GPR149: variants seen among roughly 807,000 people sequenced by gnomAD.
The protein encoded by GPR149 is G protein-coupled receptor 149, also known as probable G protein-coupled receptor 149.
A neutral mutation model predicts 50.2 loss-of-function variants in GPR149; 50 were observed. The ratio of observed to expected loss-of-function variants is 1.00; its 90% CI spans 0.79 to 1.26. The LOEUF is 1.26. Ranked by LOEUF, GPR149 falls within the 50% of genes most tolerant of loss-of-function variation. GPR149 has a pLI of 0.00. For synonymous variants in GPR149, 405 were observed against 358.2 expected, an observed-to-expected ratio of 1.13 and a Z score of -1.48; for missense variants, 983 against 895.4, an observed-to-expected ratio of 1.10 and a Z score of -1.25.
At chr3:154,422,066 CAT>C (rs1177883418) in intron 2 of GPR149, among the ~76,000 whole-genome samples, 13 of 151,380 alleles carry the variant, frequency 8.6e-5, no homozygotes, top group African/African-American at 2.4e-4. Flanking sequence ...TAAAAAATAA[CAT>C]GTACATTTCT....
intron 3 of GPR149, among the ~76,000 whole-genome samples, chr3:154,345,768 G>C (rs1713911911): frequency 6.6e-6 from 1 of 152,194 alleles, no homozygotes; most frequent in African/African-American, 2.4e-5. Context: ...AGAAGGTGAA[G>C]TAGTCTGTTG....
At chr3:154,372,782 A>T (rs1320651841) in intron 3 of GPR149, among the ~76,000 whole-genome samples, 1 of 152,178 alleles carries the variant, frequency 6.6e-6, no homozygotes, top group Non-Finnish European at 1.5e-5. Flanking sequence ...CTTTGATGTG[A>T]GTTGCGGCAG....
intron 2 of GPR149, among the ~76,000 whole-genome samples, chr3:154,422,094 GA>G (rs1041600646): frequency 1.7e-4 from 26 of 151,632 alleles, no homozygotes; most frequent in African/African-American, 5.8e-4. Flanking sequence ...AAATAAATGT[GA>G]AAAGAACTGG....
At chr3:154,421,574 G>T (rs185864242) in intron 2 of GPR149, 87 bp from the exon 3 acceptor site, 2 of 628,406 alleles carry the variant, frequency 3.2e-6, no homozygotes, top group Non-Finnish European at 2.5e-6. Flanking sequence ...AATAGAAAGC[G>T]CATTCAACTT....
At chr3:154,354,286 T>G (rs2108391176) in intron 3 of GPR149, 1 of 373,906 alleles carries the variant, frequency 2.7e-6, no homozygotes, top group South Asian at 2.5e-5. Flanking sequence ...TGTTTAAATC[T>G]TCATAACAAC....
chr3:154,396,723 T>G (rs1715301672), intron 3 of GPR149, among the ~76,000 whole-genome samples: 1 of 152,002 alleles, frequency 6.6e-6, no homozygotes, highest in African/African-American at 2.4e-5. Flanking sequence ...TGTAAGAACT[T>G]TGTAGGTGCG....
intron 3 of GPR149, among the ~76,000 whole-genome samples, chr3:154,358,612 T>G (rs1714304070): frequency 6.6e-6 from 1 of 152,092 alleles, no homozygotes; most frequent in Admixed American, 6.6e-5. Context: ...CAGCCTACAA[T>G]GAAAATGTCT....
chr3:154,362,803 C>T lies in GPR149; in HGVS notation c.1624-24532G>A, dbSNP rs111719224. The stretch of plus-strand genomic sequence containing the variant: ...TAATTTTGTATTCATGATTTGCATA[C>T]TTTTTCTTACAGTTGTTTTTCCCAA... On this transcript the variant is annotated intron_variant, in intron 3 of 3. Transcript: ENST00000389740. Among the ~76,000 whole-genome samples, 706 of 152,158 alleles carry T rather than the reference C, an allele frequency of 4.6e-3. 4 individuals are homozygous for T. Among genetic ancestry groups the T allele is most frequent in the African/African-American group, 0.016 (660 of 41,514 alleles).
At chr3:154,423,777 T>G (rs1197570910) in intron 2 of GPR149, among the ~76,000 whole-genome samples, 1 of 151,798 alleles carries the variant, frequency 6.6e-6, no homozygotes, top group Non-Finnish European at 1.5e-5. Flanking sequence ...TAGGTCTTTT[T>G]AAAAAATGAA....
chr3:154,351,312 A>G (rs9812608), intron 3 of GPR149, among the ~76,000 whole-genome samples: 60,530 of 78,602 alleles, frequency 0.77, 22,348 homozygotes, highest in Middle Eastern at 0.85. Context: ...ACATCCACAT[A>G]CAAAAAAAAA....
At chr3:154,394,701 A>G (rs1229381500) in intron 3 of GPR149, among the ~76,000 whole-genome samples, 2 of 152,146 alleles carry the variant, frequency 1.3e-5, no homozygotes, top group African/African-American at 4.8e-5. Context: ...AGGAACTCAT[A>G]CAACTCAATG....
intron 3 of GPR149, among the ~76,000 whole-genome samples, chr3:154,373,588 C>T (rs1331116614): frequency 1.3e-5 from 2 of 152,178 alleles, no homozygotes; most frequent in Non-Finnish European, 2.9e-5. Flanking sequence ...AACTAGTCAT[C>T]AGATGTTTTT....
rs376049352 is a variant in GPR149 at position 154,427,687 on chromosome 3, C to A, written c.1003G>T (p.Val335Phe). Residue 335 changes from valine to phenylalanine, a missense_variant, in exon 2 of 4, where the codon GTC becomes TTC. Physicochemically the swap from Val to Phe is conservative, Grantham distance 50. Coordinates refer to ENST00000389740, the MANE Select transcript of GPR149 (RefSeq NM_001038705.3). Reference sequence around the variant, plus strand: ...AAGGGAAGGCTCTGAAACCCCACGACGTTCTGGACCACCATGTGCATCTGC... The same window carrying A: ...AAGGGAAGGCTCTGAAACCCCACGAAGTTCTGGACCACCATGTGCATCTGC... ...PMMMHMVVQN[V>F]VGFQSLPLET... 6.2e-6 allele frequency: 10 copies of A among 1,612,802 alleles called. No individual in the cohort carries two copies. Among genetic ancestry groups the A allele is most frequent in the South Asian group, 1.1e-5 (1 of 90,864 alleles).
At chr3:154,358,828 T>A (rs569419393) in intron 3 of GPR149, among the ~76,000 whole-genome samples, 94 of 152,312 alleles carry the variant, frequency 6.2e-4, no homozygotes, top group African/African-American at 2.1e-3. Flanking sequence ...GTAGATATGG[T>A]CATATACAGG....
chr3:154,338,817 G>A (rs917485666), intron 3 of GPR149, among the ~76,000 whole-genome samples: 40 of 152,172 alleles, frequency 2.6e-4, no homozygotes, highest in African/African-American at 9.6e-4. Context: ...AATGTCACCA[G>A]AACTATGCTA....
intron 3 of GPR149, among the ~76,000 whole-genome samples, chr3:154,413,925 T>G (rs542629929): frequency 9.5e-5 from 13 of 137,094 alleles, no homozygotes; most frequent in Non-Finnish European, 2.0e-4. Flanking sequence ...AATCAACGAG[T>G]TGATAAAGAA....
At chr3:154,352,282 A>T in intron 3 of GPR149, 1 of 851,882 alleles carries the variant, frequency 1.2e-6, no homozygotes, top group Non-Finnish European at 1.9e-6. Context: ...GACTGGCCTG[A>T]CCCGCCTGAC....
intron 3 of GPR149, among the ~76,000 whole-genome samples, chr3:154,382,202 T>A (rs998622804): frequency 3.3e-5 from 5 of 152,166 alleles, no homozygotes; most frequent in Admixed American, 2.0e-4. Context: ...GATTCACCAG[T>A]GATGCTGAGC....
chr3:154,400,812 C>T (rs970871341), intron 3 of GPR149, among the ~76,000 whole-genome samples: 9 of 152,212 alleles, frequency 5.9e-5, no homozygotes, highest in African/African-American at 1.9e-4. Flanking sequence ...GTTTCCAAAG[C>T]CCGTGCTCTA....
Sources: gnomAD v4.1 joint callset for allele counts (sites outside exome capture counted in the v4.1 genomes callset) on GRCh38, gnomAD v4.1.1 for gene constraint, MANE v1.5 for transcripts, NCBI Gene and HGNC (gene_info 2026-07-23, HGNC 2026-07-21) for gene names.